Variants in NRG1 observed in about 807,000 individuals in gnomAD.
NRG1 encodes the protein neuregulin 1, also known as pro-neuregulin-1, membrane-bound isoform.
Under a neutral mutation model 63.8 loss-of-function variants are expected in NRG1, and 18 were observed. The ratio of observed to expected loss-of-function variants is 0.28; its 90% CI spans 0.19 to 0.42. The LOEUF is 0.42. Ranked by LOEUF, NRG1 falls within the 10% of genes least tolerant of loss-of-function variation. NRG1 has a pLI of 1.00. For missense variants in NRG1, 762 were observed against 814.7 expected (o/e 0.94, Z 0.79); for synonymous variants, 302 against 301.3 (o/e 1.00, Z -0.02).
In NRG1 at chr8:31,959,225, T is replaced by C. The variant is rs1020567177; in HGVS notation, c.37+319794T>C. ...TGTGTCTTGAAAAGTTCTGTTGGCA[T>C]ACACATTGGACTTGATTGCTTACAT... On this transcript the variant is annotated intron_variant, in intron 1 of 10. Transcript: ENST00000519301. Among the ~76,000 whole-genome samples, 5 of 152,246 alleles carry C rather than the reference T, an allele frequency of 3.3e-5. No homozygotes were observed. The East Asian group carries it at 9.6e-4, about 29-fold the overall frequency.
intron 1 of NRG1, among the ~76,000 whole-genome samples, chr8:32,583,815 A>C (rs1046301829): frequency 2.0e-5 from 3 of 152,368 alleles, no homozygotes; most frequent in Admixed American, 2.0e-4. Context: ...GCTGTACACA[A>C]GTTGGTGCAA....
chr8:32,043,869 A>G (rs1299180176), intron 1 of NRG1, among the ~76,000 whole-genome samples: 2 of 151,944 alleles, frequency 1.3e-5, no homozygotes, highest in African/African-American at 4.8e-5. Context: ...AAAATAAGAC[A>G]GAAAAGCTAA....
At chr8:31,767,064 C>G (rs1002459476) in intron 1 of NRG1, among the ~76,000 whole-genome samples, 2 of 152,110 alleles carry the variant, frequency 1.3e-5, no homozygotes, top group African/African-American at 4.8e-5. Flanking sequence ...GAGAAAGCAG[C>G]AGGTCATTTT....
chr8:32,671,139 T>TG (rs1451937300), intron 5 of NRG1, among the ~76,000 whole-genome samples: 1 of 151,778 alleles, frequency 6.6e-6, no homozygotes, highest in African/African-American at 2.4e-5. Context: ...TTTTTTTTTT[T>TG]TTTAGCAAAT....
chr8:32,616,978 T>A, intron 5 of NRG1, 93 bp downstream of exon 5: 1 of 938,206 alleles, frequency 1.1e-6, no homozygotes, highest in Non-Finnish European at 1.7e-6. Context: ...CTGCCCCTAT[T>A]AAGGGTCAGA....
At position 32,218,335 on chromosome 8, in the gene NRG1, G is replaced by A. The variant is rs553700220; in HGVS notation, c.38-377493G>A. ...AGCTGTAACCAACCCAACTATTTTT[G>A]TACCTTGCTTCCATTTTCCATATGT... On this transcript the variant is annotated intron_variant, in intron 1 of 10. Transcript: ENST00000519301. Among the ~76,000 whole-genome samples the A allele has an allele frequency of 8.5e-5, 13 of 152,242 alleles. No individual in the cohort carries two copies. The East Asian group carries it at 2.1e-3, about 25-fold the overall frequency.
At chr8:32,448,272 G>A (rs953142399) in intron 1 of NRG1, among the ~76,000 whole-genome samples, 1 of 152,082 alleles carries the variant, frequency 6.6e-6, no homozygotes, top group Non-Finnish European at 1.5e-5. Context: ...ACCACCAAAA[G>A]GACTTGAAAA....
At chr8:32,244,297 G>A (rs1848408793) in intron 1 of NRG1, among the ~76,000 whole-genome samples, 1 of 152,108 alleles carries the variant, frequency 6.6e-6, no homozygotes, top group Non-Finnish European at 1.5e-5. Context: ...CTGAGAAGTG[G>A]TCTTTGCATA....
At chr8:32,520,604 C>T (rs1473248872) in intron 1 of NRG1, among the ~76,000 whole-genome samples, 1 of 152,188 alleles carries the variant, frequency 6.6e-6, no homozygotes, top group Non-Finnish European at 1.5e-5. Flanking sequence ...GACATTTACT[C>T]TTTTTATGTT....
At chr8:32,405,065 G>C (rs1813771128) in intron 1 of NRG1, among the ~76,000 whole-genome samples, 1 of 152,178 alleles carries the variant, frequency 6.6e-6, no homozygotes. Flanking sequence ...TGATTACAAA[G>C]GAATGCAATG....
intron 1 of NRG1, among the ~76,000 whole-genome samples, chr8:32,404,827 C>T (rs959996022): frequency 1.3e-5 from 2 of 152,062 alleles, no homozygotes; most frequent in African/African-American, 2.4e-5. Flanking sequence ...TCAAGTGATC[C>T]ACCTGCCTTG....
chr8:31,987,440 T>C (rs1284543457), intron 1 of NRG1, among the ~76,000 whole-genome samples: 1 of 151,674 alleles, frequency 6.6e-6, no homozygotes, highest in East Asian at 1.9e-4. Context: ...ATGTCCTTTG[T>C]AGCAACATGG....
chr8:32,697,430 T>A (rs1813648896), intron 5 of NRG1, among the ~76,000 whole-genome samples: 1 of 152,250 alleles, frequency 6.6e-6, no homozygotes, highest in African/African-American at 2.4e-5. Flanking sequence ...TGCTTAGTGC[T>A]GAATACTTGT....
Position 31,879,884 on chromosome 8 carries a change from T to A in NRG1, c.37+240453T>A, listed in dbSNP as rs758111494. Among the ~76,000 whole-genome samples the A allele has an allele frequency of 3.9e-4, 59 of 152,200 alleles. 1 individual carries two copies. The highest frequency in any genetic ancestry group is 1.8e-3 in the Admixed American group (28 of 15,270). The stretch of plus-strand genomic sequence containing the variant: ...TCCATCCATATTCCCACAAAATATA[T>A]GATTGTGTTCTTTTTTATGGATGCA... On this transcript the variant is annotated intron_variant, in intron 1 of 10. Coordinates refer to the NRG1 transcript ENST00000519301.
chr8:32,189,719 G>A (rs10105327), intron 1 of NRG1, among the ~76,000 whole-genome samples: 5,620 of 152,148 alleles, frequency 0.037, 193 homozygotes, highest in African/African-American at 0.086. Context: ...GCCCCATATC[G>A]TTAAGGCTTA....
intron 1 of NRG1, among the ~76,000 whole-genome samples, chr8:32,144,752 T>TA (rs1184164505): frequency 6.6e-6 from 1 of 152,180 alleles, no homozygotes; most frequent in Non-Finnish European, 1.5e-5. Flanking sequence ...TCATTACACT[T>TA]AAAATAGTTT....
chr8:31,864,922 CCT>C (rs1391100562), intron 1 of NRG1, among the ~76,000 whole-genome samples: 1 of 152,094 alleles, frequency 6.6e-6, no homozygotes, highest in Non-Finnish European at 1.5e-5. Context: ...GCACCACTGA[CCT>C]CTCTGTTTTT....
chr8:32,325,173 T>C (rs1400502836), intron 1 of NRG1, among the ~76,000 whole-genome samples: 9 of 152,162 alleles, frequency 5.9e-5, no homozygotes, highest in Non-Finnish European at 1.0e-4. Context: ...AAACATCTTA[T>C]TGAGGTTTTT....
At chr8:32,209,429 C>T (rs1278921388) in intron 1 of NRG1, among the ~76,000 whole-genome samples, 1 of 151,992 alleles carries the variant, frequency 6.6e-6, no homozygotes, top group Admixed American at 6.6e-5. Flanking sequence ...AAGTGTATAG[C>T]TCCATTTTAC....
Sources: gnomAD v4.1 joint callset for allele counts (sites outside exome capture counted in the v4.1 genomes callset) on GRCh38, gnomAD v4.1.1 for gene constraint, MANE v1.5 for transcripts, NCBI Gene and HGNC (gene_info 2026-07-23, HGNC 2026-07-21) for gene names.